The following NRG1 variants were observed in gnomAD, a reference collection of about 807,000 sequenced individuals.
The protein encoded by NRG1 is pro-neuregulin-1, membrane-bound isoform.
A neutral mutation model predicts 63.8 loss-of-function variants in NRG1; 18 were observed. That is an observed-to-expected ratio of 0.28 (90% CI 0.19 to 0.42). The LOEUF (loss-of-function observed/expected upper bound fraction) is 0.42, where lower values mean the gene tolerates loss of function less well. NRG1 is among the 10% of genes least tolerant of loss of function. The pLI is 1.00. For synonymous variants in NRG1, 302 were observed against 301.3 expected (o/e 1.00, Z -0.02); for missense variants, 762 against 814.7 (o/e 0.94, Z 0.79).
At chr8:31,889,462 G>C (rs1032921052) in intron 1 of NRG1, among the ~76,000 whole-genome samples, 1 of 152,132 alleles carries the variant, frequency 6.6e-6, no homozygotes, top group African/African-American at 2.4e-5. Flanking sequence ...ATACATTTCT[G>C]AATATACTGA....
chr8:32,087,357 T>A (rs1828379708), intron 1 of NRG1, among the ~76,000 whole-genome samples: 1 of 152,130 alleles, frequency 6.6e-6, no homozygotes. Context: ...ACCATGATTA[T>A]GAGCTTCCTG....
intron 1 of NRG1, among the ~76,000 whole-genome samples, chr8:31,961,771 A>G (rs564554048): frequency 1.3e-5 from 2 of 152,316 alleles, no homozygotes; most frequent in Admixed American, 1.3e-4. Context: ...AGATTCATAA[A>G]CAATTATAAC....
chr8:31,925,142 G>GTATACATATATA, intron 1 of NRG1, among the ~76,000 whole-genome samples: 3 of 3,904 alleles, frequency 7.7e-4, no homozygotes, highest in Non-Finnish European at 3.4e-3. Context: ...ATGTGTGTGT[G>GTATACATATATA]TGTGTATACA....
At chr8:31,701,674 G>A (rs973784347) in intron 1 of NRG1, among the ~76,000 whole-genome samples, 3 of 152,122 alleles carry the variant, frequency 2.0e-5, no homozygotes, top group Non-Finnish European at 2.9e-5. Context: ...TCAACAAAGC[G>A]TGTAGTTTAA....
intron 1 of NRG1, among the ~76,000 whole-genome samples, chr8:31,813,195 T>G (rs1823055980): frequency 6.6e-6 from 1 of 152,238 alleles, no homozygotes; most frequent in Non-Finnish European, 1.5e-5. Flanking sequence ...TTTCTAGTTC[T>G]TAAAATGTAA....
intron 1 of NRG1, among the ~76,000 whole-genome samples, chr8:32,432,208 A>G (rs1420126977): frequency 1.3e-5 from 2 of 152,184 alleles, no homozygotes; most frequent in Non-Finnish European, 2.9e-5. Context: ...TCCCTACTAG[A>G]CAGTAATAGA....
At chr8:32,393,174 A>G (rs968793748) in intron 1 of NRG1, among the ~76,000 whole-genome samples, 2 of 152,144 alleles carry the variant, frequency 1.3e-5, no homozygotes, top group African/African-American at 4.8e-5. Flanking sequence ...ATACTTTATT[A>G]TTTGGAGAAA....
At chr8:32,770,233 C>T (rs939127881), downstream of NRG1, among the ~76,000 whole-genome samples, 4 of 152,080 alleles carry the variant, frequency 2.6e-5, no homozygotes, top group Non-Finnish European at 5.9e-5. Context: ...AAATAAAAAT[C>T]ACATTTTATA....
At chr8:32,483,295 C>G (rs1258997994) in intron 1 of NRG1, among the ~76,000 whole-genome samples, 3 of 152,236 alleles carry the variant, frequency 2.0e-5, no homozygotes, top group Non-Finnish European at 4.4e-5. Context: ...AGTCTATTCT[C>G]TGAGTTGTGA....
intron 1 of NRG1, among the ~76,000 whole-genome samples, chr8:32,490,572 G>A (rs13254149): frequency 0.18 from 26,720 of 152,000 alleles, 2,538 homozygotes; most frequent in Non-Finnish European, 0.19. Flanking sequence ...TGGTATCATT[G>A]GTATTAAATA....
At position 31,761,358 on chromosome 8, in the gene NRG1, C is replaced by T. The variant is rs1213932746; in HGVS notation, c.37+121927C>T. On this transcript the variant is annotated intron_variant, in intron 1 of 10. Transcript: ENST00000519301. ...AGGAGATATACCTAATGCTAAATGA[C>T]GAGTTAATGGGTGCAGCACACCAAC... Among the ~76,000 whole-genome samples, 15 of 151,786 alleles carry T rather than the reference C, an allele frequency of 9.9e-5. 1 individual carries two copies. The highest frequency in any genetic ancestry group is 7.2e-4 in the Admixed American group (11 of 15,234).
At chr8:32,103,060 T>A (rs1306448897) in intron 1 of NRG1, among the ~76,000 whole-genome samples, 1 of 152,176 alleles carries the variant, frequency 6.6e-6, no homozygotes, top group Non-Finnish European at 1.5e-5. Context: ...ATTATGTTTT[T>A]TAAGTTATTT....
At chr8:31,746,632 T>C (rs1474701961) in intron 1 of NRG1, among the ~76,000 whole-genome samples, 1 of 151,986 alleles carries the variant, frequency 6.6e-6, no homozygotes, top group Non-Finnish European at 1.5e-5. Flanking sequence ...AGAGCTACCG[T>C]ATGATCCAGC....
At chr8:32,012,362 T>C (rs1586466455) in intron 1 of NRG1, among the ~76,000 whole-genome samples, 1 of 151,942 alleles carries the variant, frequency 6.6e-6, no homozygotes, top group Non-Finnish European at 1.5e-5. Context: ...GTGCGGAGGG[T>C]TGCAGATGAT....
intron 1 of NRG1, among the ~76,000 whole-genome samples, chr8:32,360,925 G>C (rs1587060186): frequency 3.3e-5 from 5 of 152,234 alleles, no homozygotes; most frequent in Admixed American, 3.3e-4. Context: ...GCTGGCCCTG[G>C]CTATATCTGC....
chr8:31,930,840 A>G (rs1215430459), intron 1 of NRG1, among the ~76,000 whole-genome samples: 1 of 152,208 alleles, frequency 6.6e-6, no homozygotes, highest in East Asian at 1.9e-4. Context: ...ATGAAGAATC[A>G]TCTGTAGCAA....
At chr8:32,115,773 G>A (rs1832633749) in intron 1 of NRG1, among the ~76,000 whole-genome samples, 1 of 152,108 alleles carries the variant, frequency 6.6e-6, no homozygotes, top group Non-Finnish European at 1.5e-5. Flanking sequence ...TTCCAGCTGA[G>A]AAAACAGATA....
At chr8:32,584,816 G>C (rs1436958828) in intron 1 of NRG1, among the ~76,000 whole-genome samples, 2 of 152,102 alleles carry the variant, frequency 1.3e-5, no homozygotes, top group African/African-American at 4.8e-5. Context: ...CAGGGACTTT[G>C]TTCATTTATA....
chr8:32,540,724 G>A (rs997523513), intron 1 of NRG1, among the ~76,000 whole-genome samples: 2 of 152,040 alleles, frequency 1.3e-5, no homozygotes, highest in African/African-American at 2.4e-5. Context: ...TTCTCTGGGC[G>A]CCAAAGAATC....
Sources: gnomAD v4.1 joint callset for allele counts (sites outside exome capture counted in the v4.1 genomes callset) on GRCh38, gnomAD v4.1.1 for gene constraint, MANE v1.5 for transcripts, NCBI Gene and HGNC (gene_info 2026-07-23, HGNC 2026-07-21) for gene names.